Variants in SDCBP observed in about 807,000 individuals in gnomAD.
SDCBP encodes the protein syndecan binding protein.
A neutral mutation model predicts 30.5 loss-of-function variants in SDCBP; 22 were observed. The observed-to-expected ratio is 0.72, with a 90% CI of 0.52 to 1.03. The LOEUF (loss-of-function observed/expected upper bound fraction) is 1.03. SDCBP is among the 50% of genes least tolerant of loss of function. The probability of loss-of-function intolerance (pLI) is 0.00; values close to 1 mark genes in which losing one functional copy is unlikely to be tolerated. For missense variants in SDCBP, 304 were observed against 369.9 expected (o/e 0.82, Z 1.46); for synonymous variants, 103 against 118.7 (o/e 0.87, Z 0.86).
At chr8:58,559,263 A>G (rs1356171561) in intron 1 of SDCBP, among the ~76,000 whole-genome samples, 1 of 152,214 alleles carries the variant, frequency 6.6e-6, no homozygotes, top group African/African-American at 2.4e-5. Flanking sequence ...CCAATGACAG[A>G]ATCAAAAAAA....
At chr8:58,569,740 G>A (rs1009022774) in intron 2 of SDCBP, among the ~76,000 whole-genome samples, 1 of 151,968 alleles carries the variant, frequency 6.6e-6, no homozygotes, top group Non-Finnish European at 1.5e-5. Context: ...CTAATCGGTG[G>A]TGAAAGAACT....
Position 58,581,912 on chromosome 8 carries a change from A to G in SDCBP, c.*172A>G. 1 of 589,422 alleles carries G rather than the reference A, an allele frequency of 1.7e-6. No individual in the cohort carries two copies. The highest frequency in any genetic ancestry group is 3.0e-6 in the Non-Finnish European group (1 of 331,032). 36.5% of individuals were successfully genotyped at this position (589,422 alleles called of 1,614,324 possible). On this transcript the variant is annotated 3_prime_UTR_variant, in exon 9 of 9. Transcript: ENST00000260130. The stretch of plus-strand genomic sequence containing the variant: ...CTCTTTCATCTGATACCTTGTTCAG[A>G]TTTCAAAATAGTTGTAGCCTTATCC...
chr8:58,574,960 A>G (rs1163324206), intron 4 of SDCBP, among the ~76,000 whole-genome samples: 1 of 152,200 alleles, frequency 6.6e-6, no homozygotes, highest in Non-Finnish European at 1.5e-5. Context: ...TTAGATCTCC[A>G]GAACGTACTC....
At chr8:58,580,629 C>A in intron 8 of SDCBP, 21 bp downstream of exon 8, 1 of 1,186,800 alleles carries the variant, frequency 8.4e-7, no homozygotes, top group Non-Finnish European at 1.3e-6. Flanking sequence ...AATTCCTCAA[C>A]TTAATGCATA....
Position 58,579,710 on chromosome 8 carries a change from G to A in SDCBP, c.666G>A (p.Val222=). ...AAAATGGAAAAATAACATCCATAGTGAAAGATAGCTCTGCAGCCAGAAATG... is the reference window on the plus strand; with the variant it reads ...AAAATGGAAAAATAACATCCATAGTAAAAGATAGCTCTGCAGCCAGAAATG... ...IFKNGKITSI[V]KDSSAARNGL... Residue 222 remains valine, a synonymous_variant, in exon 7 of 9, where the codon GTG becomes GTA. Coordinates refer to ENST00000260130, the MANE Select transcript of SDCBP (RefSeq NM_005625.4). The A allele has an allele frequency of 6.2e-7, 1 of 1,612,464 alleles. No individual in the cohort carries two copies. Among genetic ancestry groups the A allele is most frequent in the Non-Finnish European group, 8.5e-7 (1 of 1,179,320 alleles).
At chr8:58,576,211 A>G (rs935181873) in intron 5 of SDCBP, 150 bp downstream of exon 5, 7 of 643,956 alleles carry the variant, frequency 1.1e-5, no homozygotes, top group Admixed American at 6.2e-5. Flanking sequence ...AATGTTTTCA[A>G]TTGGGGATGT....
At chr8:58,577,140 G>T (rs1805384759) in intron 5 of SDCBP, among the ~76,000 whole-genome samples, 1 of 152,220 alleles carries the variant, frequency 6.6e-6, no homozygotes, top group Non-Finnish European at 1.5e-5. Flanking sequence ...CCCACTGTAG[G>T]TAATAGTTGC....
At chr8:58,576,962 A>G (rs559817526) in intron 5 of SDCBP, among the ~76,000 whole-genome samples, 2 of 152,294 alleles carry the variant, frequency 1.3e-5, no homozygotes, top group African/African-American at 4.8e-5. Context: ...GCTCACTTGT[A>G]TGTCACTCAA....
At chr8:58,559,148 G>A (rs867585820) in intron 1 of SDCBP, among the ~76,000 whole-genome samples, 11 of 152,144 alleles carry the variant, frequency 7.2e-5, no homozygotes, top group African/African-American at 2.2e-4. Context: ...CTCAAGAGTT[G>A]TTCAGACAAC....
rs534654797 is a variant in SDCBP, at chr8:58,575,253, G to C, written c.241-647G>C. On this transcript the variant is annotated intron_variant, in intron 4 of 8. Transcript: ENST00000260130. Reference sequence around the variant, plus strand: ...TCCATTTTCTTTTTGGTTGGGGAAAGGTTCCACTTAAAATAAACCAGTTTT... The same window carrying C: ...TCCATTTTCTTTTTGGTTGGGGAAACGTTCCACTTAAAATAAACCAGTTTT... 1.3e-4 allele frequency among the ~76,000 whole-genome samples: 20 copies of C among 152,146 alleles called. No individual in the cohort carries two copies. The East Asian group carries it at 3.9e-3, about 29-fold the overall frequency.
chr8:58,557,627 AGGG>A (rs911014286), intron 1 of SDCBP, among the ~76,000 whole-genome samples: 1 of 151,822 alleles, frequency 6.6e-6, no homozygotes, highest in Non-Finnish European at 1.5e-5. Flanking sequence ...CATTGGGTGT[AGGG>A]GCCTTTCATA....
chr8:58,570,398 A>G (rs1804948695), intron 2 of SDCBP, among the ~76,000 whole-genome samples: 1 of 152,134 alleles, frequency 6.6e-6, no homozygotes. Flanking sequence ...ACCCCTTCCT[A>G]TACTTGCTGC....
intron 1 of SDCBP, among the ~76,000 whole-genome samples, chr8:58,558,430 T>G (rs1306071458): frequency 6.6e-6 from 1 of 152,106 alleles, no homozygotes; most frequent in Admixed American, 6.6e-5. Flanking sequence ...TACAGGCATG[T>G]GCTGCTGTCC....
intron 8 of SDCBP, among the ~76,000 whole-genome samples, chr8:58,580,948 T>C (rs1805653910): frequency 6.6e-6 from 1 of 152,110 alleles, no homozygotes; most frequent in Non-Finnish European, 1.5e-5. Context: ...ATAAATATAG[T>C]TGTGGTGGTT....
chr8:58,555,180 A>T (rs529536930), intron 1 of SDCBP, among the ~76,000 whole-genome samples: 2 of 152,340 alleles, frequency 1.3e-5, no homozygotes, highest in African/African-American at 4.8e-5. Flanking sequence ...TCAGTGCTGC[A>T]GTGAATCAAC....
At chr8:58,556,707 T>G (rs1312572715) in intron 1 of SDCBP, among the ~76,000 whole-genome samples, 1 of 151,652 alleles carries the variant, frequency 6.6e-6, no homozygotes, top group African/African-American at 2.4e-5. Context: ...CATAAGTATT[T>G]AAGTTGAGGG....
intron 8 of SDCBP, 45 bp from the exon 9 acceptor site, chr8:58,581,635 GAAAAAC>G (rs773588225): frequency 6.9e-7 from 1 of 1,448,722 alleles, no homozygotes; most frequent in Non-Finnish European, 9.7e-7. Context: ...GTAGCATTTT[GAAAAAC>G]AAAAACCAGA....
chr8:58,556,052 G>A (rs192363277), intron 1 of SDCBP, among the ~76,000 whole-genome samples: 1 of 152,016 alleles, frequency 6.6e-6, no homozygotes, highest in Non-Finnish European at 1.5e-5. Context: ...CAACATCTTC[G>A]AATTCAACTA....
chr8:58,574,851 A>G (rs905571311), intron 4 of SDCBP, among the ~76,000 whole-genome samples: 1 of 152,202 alleles, frequency 6.6e-6, no homozygotes, highest in Non-Finnish European at 1.5e-5. Context: ...TCACATGGTT[A>G]CATTTCTTTT....
Sources: gnomAD v4.1 joint callset for allele counts (sites outside exome capture counted in the v4.1 genomes callset) on GRCh38, gnomAD v4.1.1 for gene constraint, MANE v1.5 for transcripts, NCBI Gene and HGNC (gene_info 2026-07-23, HGNC 2026-07-21) for gene names.